The following HDAC9 variants were observed in gnomAD, a reference collection of about 807,000 sequenced individuals.
HDAC9 encodes the protein histone deacetylase 9.
HDAC9 carries 41 observed loss-of-function variants against 139.4 expected under a neutral mutation model. The observed-to-expected ratio is 0.29, with a 90% CI of 0.23 to 0.38. The LOEUF is 0.38. HDAC9 is among the 10% of genes least tolerant of loss of function. The pLI, the probability that HDAC9 is intolerant of heterozygous loss-of-function variation, is 1.00. For synonymous variants in HDAC9, 517 were observed against 476.2 expected (o/e 1.09, Z -1.12); for missense variants, 1,147 against 1,297.0 (o/e 0.88, Z 1.78).
At chr7:18,750,490 G>C (rs934646034) in intron 14 of HDAC9, among the ~76,000 whole-genome samples, 8 of 152,070 alleles carry the variant, frequency 5.3e-5, no homozygotes, top group South Asian at 2.1e-4. Context: ...CTCTGCTTTT[G>C]ATTAAATGTA....
chr7:18,615,373 C>T (rs1158714452), intron 6 of HDAC9, among the ~76,000 whole-genome samples: 1 of 151,660 alleles, frequency 6.6e-6, no homozygotes, highest in Non-Finnish European at 1.5e-5. Flanking sequence ...AAAACAACAG[C>T]AACAAAAAAA....
intron 8 of HDAC9, among the ~76,000 whole-genome samples, chr7:18,635,274 G>A (rs1259164280): frequency 6.6e-6 from 1 of 151,894 alleles, no homozygotes; most frequent in African/African-American, 2.4e-5. Flanking sequence ...GAACTGAAAA[G>A]TGATGAAAAA....
chr7:18,091,279 A>C (rs145467143), intron 1 of HDAC9, among the ~76,000 whole-genome samples: 4 of 152,336 alleles, frequency 2.6e-5, no homozygotes, highest in South Asian at 4.1e-4. Context: ...AAAGAGAGGA[A>C]AACTACTATC....
At chr7:18,626,642 C>A (rs1192921721) in intron 6 of HDAC9, among the ~76,000 whole-genome samples, 2 of 152,152 alleles carry the variant, frequency 1.3e-5, no homozygotes, top group Non-Finnish European at 2.9e-5. Flanking sequence ...GTGGTAGATA[C>A]AAGACTAAAA....
At chr7:18,303,256 C>T (rs570972249) in intron 1 of HDAC9, among the ~76,000 whole-genome samples, 1 of 151,784 alleles carries the variant, frequency 6.6e-6, no homozygotes, top group East Asian at 1.9e-4. Context: ...CTTGCTCTGT[C>T]GCCCAGGCAG....
chr7:18,780,495 G>T (rs1181916266), intron 16 of HDAC9, among the ~76,000 whole-genome samples: 2 of 151,990 alleles, frequency 1.3e-5, no homozygotes, highest in Non-Finnish European at 2.9e-5. Context: ...GGACATCACA[G>T]TTGTTGTTGG....
chr7:18,299,704 G>A (rs1798406898), intron 1 of HDAC9, among the ~76,000 whole-genome samples: 1 of 152,178 alleles, frequency 6.6e-6, no homozygotes. Context: ...GCTCAAGAAG[G>A]CAGGAACAAA....
rs750444592 is a variant in HDAC9, at chr7:18,996,072, TC to T, written c.*15del. 2.0e-5 allele frequency: 32 copies of T among 1,598,242 alleles called. No individual in the cohort carries two copies. The highest frequency in any genetic ancestry group is 2.5e-5 in the Non-Finnish European group (29 of 1,170,808). On this transcript the variant is annotated 3_prime_UTR_variant, in exon 26 of 26. Transcript: ENST00000686413. ...GGAGCCAGCCTTGTGAAGTGCCAAGTCCCCCTCTGATATTTCCTGTGTGTGA... is the reference window on the plus strand; with the variant it reads ...GGAGCCAGCCTTGTGAAGTGCCAAGTCCCCTCTGATATTTCCTGTGTGTGA...
intron 2 of HDAC9, among the ~76,000 whole-genome samples, chr7:18,545,171 C>T (rs959330598): frequency 6.6e-6 from 1 of 152,156 alleles, no homozygotes; most frequent in Non-Finnish European, 1.5e-5. Context: ...CATAGGAGTG[C>T]CGTAGGACAT....
chr7:18,482,902 T>C (rs1795690162), intron 1 of HDAC9, among the ~76,000 whole-genome samples: 1 of 152,160 alleles, frequency 6.6e-6, no homozygotes, highest in Non-Finnish European at 1.5e-5. Flanking sequence ...AAGCAAATCA[T>C]ATTTGTTATC....
chr7:18,689,367 T>A (rs758743033), intron 12 of HDAC9, among the ~76,000 whole-genome samples: 11 of 151,974 alleles, frequency 7.2e-5, no homozygotes, highest in African/African-American at 2.7e-4. Context: ...TTGGCTTTTC[T>A]AGTAGGATAT....
chr7:18,358,947 T>C (rs1326752378), intron 1 of HDAC9, among the ~76,000 whole-genome samples: 2 of 152,222 alleles, frequency 1.3e-5, no homozygotes, highest in Non-Finnish European at 2.9e-5. Flanking sequence ...TTAGGTGATT[T>C]GCCATGATTT....
chr7:18,616,784 C>T (rs1838718517), intron 6 of HDAC9, among the ~76,000 whole-genome samples: 1 of 152,094 alleles, frequency 6.6e-6, no homozygotes, highest in Admixed American at 6.6e-5. Flanking sequence ...TCCTGTTGGC[C>T]AGAAGTCACT....
intron 22 of HDAC9, among the ~76,000 whole-genome samples, chr7:18,919,981 C>A (rs1418451374): frequency 7.2e-5 from 11 of 152,004 alleles, no homozygotes; most frequent in Admixed American, 7.2e-4. Flanking sequence ...GCAATGCGGG[C>A]TCTTTTTTGG....
chr7:18,100,614 T>C (rs146150569), intron 1 of HDAC9, among the ~76,000 whole-genome samples: 116 of 152,340 alleles, frequency 7.6e-4, no homozygotes, highest in Non-Finnish European at 1.2e-3. Context: ...AATGGGGTGT[T>C]TCACAATTTT....
intron 1 of HDAC9, among the ~76,000 whole-genome samples, chr7:18,378,218 A>G (rs1412441045): frequency 6.6e-6 from 1 of 152,184 alleles, no homozygotes; most frequent in Non-Finnish European, 1.5e-5. Flanking sequence ...AGCAGGTGAC[A>G]AGTCAAAGGA....
At chr7:18,572,284 T>C (rs13230346) in intron 2 of HDAC9, among the ~76,000 whole-genome samples, 2 of 151,364 alleles carry the variant, frequency 1.3e-5, no homozygotes, top group Admixed American at 6.6e-5. Context: ...ATAGTCAAAT[T>C]TGAAATTTGA....
chr7:18,790,629 A>G (rs1305997920), intron 16 of HDAC9, among the ~76,000 whole-genome samples: 2 of 152,232 alleles, frequency 1.3e-5, no homozygotes, highest in East Asian at 3.9e-4. Context: ...ACAATTACCT[A>G]TTTATGAACA....
chr7:18,493,606 CA>C (rs895766328), upstream of HDAC9, among the ~76,000 whole-genome samples: 7 of 151,158 alleles, frequency 4.6e-5, no homozygotes, highest in South Asian at 6.3e-4. Context: ...GATCTCACCA[CA>C]AAAAAAATGG....
Sources: gnomAD v4.1 joint callset for allele counts (sites outside exome capture counted in the v4.1 genomes callset) on GRCh38, gnomAD v4.1.1 for gene constraint, MANE v1.5 for transcripts, NCBI Gene and HGNC (gene_info 2026-07-23, HGNC 2026-07-21) for gene names.